UPB1: variants seen among roughly 807,000 people sequenced by gnomAD.
UPB1 encodes the protein beta-ureidopropionase 1.
A neutral mutation model predicts 49.1 loss-of-function variants in UPB1; 40 were observed. That is an observed-to-expected ratio of 0.81 (90% CI 0.63 to 1.06). UPB1 has a LOEUF of 1.06. UPB1 is among the 50% of genes least tolerant of loss of function. The pLI is 0.00. For missense variants in UPB1, 499 were observed against 505.9 expected (o/e 0.99, Z 0.13); for synonymous variants, 207 against 198.2 (o/e 1.04, Z -0.38).
chr22:24,515,298 T>C lies in UPB1; in HGVS notation c.719T>C (p.Leu240Pro). Residue 240 changes from leucine to proline, a missense_variant, in exon 6 of 10, where the codon CTC becomes CCC. Physicochemically the swap from Leu to Pro is moderately conservative, Grantham distance 98. Coordinates refer to ENST00000326010, the MANE Select transcript of UPB1 (RefSeq NM_016327.3). ...VNICYGRHHP[L>P]NWLMYSINGA... is the part of the protein sequence containing the mutation. Reference sequence around the variant, plus strand: ...ATTTGCTACGGGCGGCACCACCCCCTCAACTGGCTTATGTACAGCATCAAC... The same window carrying C: ...ATTTGCTACGGGCGGCACCACCCCCCCAACTGGCTTATGTACAGCATCAAC... 1 of 1,614,138 alleles carries C rather than the reference T, an allele frequency of 6.2e-7. No homozygotes were observed.
At chr22:24,497,946 T>TG (rs1456131509) in intron 1 of UPB1, among the ~76,000 whole-genome samples, 1 of 152,150 alleles carries the variant, frequency 6.6e-6, no homozygotes, top group African/African-American at 2.4e-5. Context: ...AGAAGTCAGG[T>TG]GGCAGAGCTC....
Position 24,520,481 on chromosome 22 carries a change from G to T in UPB1, c.873+13G>T. 3.1e-6 allele frequency: 5 copies of T among 1,613,118 alleles called. No homozygotes were observed. Among genetic ancestry groups the T allele is most frequent in the South Asian group, 1.1e-5 (1 of 90,932 alleles). On this transcript the variant is annotated intron_variant, in intron 7 of 9. Coordinates refer to ENST00000326010, the MANE Select transcript of UPB1 (RefSeq NM_016327.3). ...TCGAGTGGGCACCGTAAGTCCCGAGGTCTGGCTGGGGAGAGGAGCCACCAC... is the reference window on the plus strand; with the variant it reads ...TCGAGTGGGCACCGTAAGTCCCGAGTTCTGGCTGGGGAGAGGAGCCACCAC...
rs764763105 is a variant in UPB1, at chr22:24,502,218, G to A, written c.364+5G>A. 1.2e-6 allele frequency: 2 copies of A among 1,613,994 alleles called. No homozygotes were observed. The highest frequency in any genetic ancestry group is 1.7e-6 in the Non-Finnish European group (2 of 1,179,868). The stretch of plus-strand genomic sequence containing the variant: ...TCTGTTTCCAGGAAGCATGGAGTGA[G>A]TCTTTTTTATGGTGCTTTCTCTGCT... On this transcript the variant is annotated splice_donor_5th_base_variant and intron_variant, in intron 3 of 9. Coordinates refer to ENST00000326010, the MANE Select transcript of UPB1 (RefSeq NM_016327.3).
At position 24,526,234 on chromosome 22, in the gene UPB1, G is replaced by T. The variant is rs943175163; in HGVS notation, c.*440G>T. ...GTGGTGGGTCGGATGGTCTTTGGATGTGTCAGCTTAGCTAGGCCACAGTCA... is the reference window on the plus strand; with the variant it reads ...GTGGTGGGTCGGATGGTCTTTGGATTTGTCAGCTTAGCTAGGCCACAGTCA... On this transcript the variant is annotated 3_prime_UTR_variant, in exon 10 of 10. Transcript: ENST00000326010. 11 of 269,190 alleles carry T rather than the reference G, an allele frequency of 4.1e-5. 1 individual carries two copies. In the South Asian group the frequency reaches 4.2e-4, roughly 10 times the overall value. The allele number at this position is 269,190 out of a possible 1,614,324, so 16.7% of individuals were successfully genotyped here.
intron 3 of UPB1, chr22:24,502,766 T>C (rs866156188): frequency 1.9e-6 from 1 of 528,524 alleles, no homozygotes; most frequent in Non-Finnish European, 3.3e-6. Flanking sequence ...CCTAATTTTT[T>C]AGTTTTGCAT....
intron 5 of UPB1, 78 bp from the exon 6 acceptor site, chr22:24,515,123 T>C (rs1473096231): frequency 1.3e-5 from 20 of 1,572,448 alleles, no homozygotes; most frequent in Non-Finnish European, 1.7e-5. Context: ...GGACTATTGG[T>C]GATATTTCAG....
At chr22:24,497,037 C>T (rs1182785703) in intron 1 of UPB1, among the ~76,000 whole-genome samples, 1 of 152,110 alleles carries the variant, frequency 6.6e-6, no homozygotes, top group Non-Finnish European at 1.5e-5. Flanking sequence ...CTCTTTCTTC[C>T]TCACCTTCTC....
At position 24,522,874 on chromosome 22, in the gene UPB1, G is replaced by A. The variant is rs1413828434; in HGVS notation, c.917-745G>A. ...CAGGAGAATTGCTTGAACCCAGGAGGTGGAGGTTGTGGTGAGCTGACATCG... is the reference window on the plus strand; with the variant it reads ...CAGGAGAATTGCTTGAACCCAGGAGATGGAGGTTGTGGTGAGCTGACATCG... On this transcript the variant is annotated intron_variant, in intron 8 of 9. Coordinates refer to ENST00000326010, the MANE Select transcript of UPB1 (RefSeq NM_016327.3). 2.0e-5 allele frequency among the ~76,000 whole-genome samples: 3 copies of A among 150,906 alleles called. No individual in the cohort carries two copies. In the East Asian group the frequency reaches 5.8e-4, roughly 29 times the overall value.
intron 9 of UPB1, among the ~76,000 whole-genome samples, chr22:24,524,128 A>G (rs1455677093): frequency 1.3e-5 from 2 of 152,148 alleles, no homozygotes; most frequent in Non-Finnish European, 2.9e-5. Context: ...ATAAATATGC[A>G]TGTCTGGTTC....
Position 24,525,927 on chromosome 22 carries a change from G to A in UPB1, c.*133G>A. Reference sequence around the variant, plus strand: ...TTGGTTTTAAAATTCCCAGGCAGGGGGAGAGTGGCATGGGGAGTGACTTCT... The same window carrying A: ...TTGGTTTTAAAATTCCCAGGCAGGGAGAGAGTGGCATGGGGAGTGACTTCT... On this transcript the variant is annotated 3_prime_UTR_variant, in exon 10 of 10. Transcript: ENST00000326010. The A allele has an allele frequency of 8.8e-7, 1 of 1,138,894 alleles. No homozygotes were observed. The highest frequency in any genetic ancestry group is 1.3e-6 in the Non-Finnish European group (1 of 766,182). 70.5% of individuals were successfully genotyped at this position (1,138,894 alleles called of 1,614,324 possible). A position where few individuals can be genotyped will look rare whatever the true frequency, so the allele number is the denominator to read the frequency against.
rs1183085292 is a variant in UPB1 at position 24,495,460 on chromosome 22, C to T, written c.57C>T (p.Leu19=). 1.9e-6 allele frequency: 3 copies of T among 1,613,950 alleles called. No individual in the cohort carries two copies. Among genetic ancestry groups the T allele is most frequent in the Non-Finnish European group, 2.5e-6 (3 of 1,180,042 alleles). ...AATGCTTGGAGAAGCACCTGCCGCT[C>T]CCCGACTTGCAGGAAGTGAAGCGCG... ...LEECLEKHLP[L]PDLQEVKRVL... The change falls in exon 1 of 10, where the codon CTC becomes CTT. Residue 19 remains leucine, a synonymous_variant. Transcript: ENST00000326010.
Position 24,505,774 on chromosome 22 carries a change from G to A in UPB1, c.364+3561G>A, listed in dbSNP as rs558779215. On this transcript the variant is annotated intron_variant, in intron 3 of 9. Transcript: ENST00000326010. ...GTCACCCAGGCTGGAGGGCAGTGGCGCGATCTCAGCTCACTGCAACCTCTG... is the reference window on the plus strand; with the variant it reads ...GTCACCCAGGCTGGAGGGCAGTGGCACGATCTCAGCTCACTGCAACCTCTG... Among the ~76,000 whole-genome samples, 24 of 152,046 alleles carry A rather than the reference G, an allele frequency of 1.6e-4. 1 individual carries two copies. In the South Asian group the frequency reaches 4.4e-3, roughly 28 times the overall value.
intron 3 of UPB1, among the ~76,000 whole-genome samples, chr22:24,509,768 C>T (rs1233182573): frequency 6.6e-6 from 1 of 152,114 alleles, no homozygotes; most frequent in Non-Finnish European, 1.5e-5. Flanking sequence ...ACCATTTTAA[C>T]GTGTACAGTC....
intron 1 of UPB1, among the ~76,000 whole-genome samples, chr22:24,496,911 G>A (rs1344578863): frequency 6.6e-6 from 1 of 152,168 alleles, no homozygotes; most frequent in Non-Finnish European, 1.5e-5. Flanking sequence ...TTCCTGAGAT[G>A]GGGCCAGGAG....
chr22:24,502,814 A>T, intron 3 of UPB1: 1 of 415,118 alleles, frequency 2.4e-6, no homozygotes, highest in Non-Finnish European at 4.3e-6. Flanking sequence ...TGTCAGTGTT[A>T]GCCCTTTCTT....
chr22:24,525,294 G>A (rs972035565), intron 9 of UPB1, among the ~76,000 whole-genome samples: 3 of 152,138 alleles, frequency 2.0e-5, no homozygotes, highest in African/African-American at 7.2e-5. Context: ...ACGATGAGAT[G>A]CCACATGGAG....
chr22:24,499,282 G>T (rs1350406453), intron 1 of UPB1, among the ~76,000 whole-genome samples: 1 of 152,158 alleles, frequency 6.6e-6, no homozygotes. Flanking sequence ...GTTATTTTTT[G>T]ATGTGTTTTC....
At chr22:24,507,595 A>G (rs1470767638) in intron 3 of UPB1, among the ~76,000 whole-genome samples, 1 of 152,166 alleles carries the variant, frequency 6.6e-6, no homozygotes, top group African/African-American at 2.4e-5. Context: ...TAAAGGAGTA[A>G]AGGTTCTCAG....
chr22:24,511,340 T>C (rs1011710132), intron 4 of UPB1, among the ~76,000 whole-genome samples: 6 of 152,094 alleles, frequency 3.9e-5, no homozygotes, highest in African/African-American at 1.4e-4. Context: ...GGCAAATCCA[T>C]AGAGACAGAA....
Sources: allele counts gnomAD v4.1 joint callset (sites outside exome capture counted in the v4.1 genomes callset), GRCh38; gene constraint gnomAD v4.1.1; transcripts MANE v1.5; gene names NCBI Gene and HGNC (gene_info 2026-07-23, HGNC 2026-07-21).